The following AFTPH variants were observed in gnomAD, a reference collection of about 807,000 sequenced individuals.
AFTPH encodes aftiphilin protein.
In AFTPH, 7 loss-of-function variants were observed where a neutral mutation model predicts 72.5. The ratio of observed to expected loss-of-function variants is 0.10; its 90% CI spans 0.05 to 0.18. The LOEUF is 0.18. Ranked by LOEUF, AFTPH falls within the 10% of genes least tolerant of loss-of-function variation. AFTPH has a pLI of 1.00. For missense variants in AFTPH, 979 were observed against 1,060.5 expected, an observed-to-expected ratio of 0.92 and a Z score of 1.07; for synonymous variants, 337 against 370.1, an observed-to-expected ratio of 0.91 and a Z score of 1.03.
At chr2:64,552,339 G>A in exon 2 of AFTPH, 4 of 1,614,108 alleles carry the variant, frequency 2.5e-6, no homozygotes, top group Non-Finnish European at 3.4e-6. Flanking sequence ...GGATAACAAA[G>A]GAGACACTGA....
intron 7 of AFTPH, 179 bp downstream of exon 7, chr2:64,579,725 A>G: frequency 1.9e-6 from 1 of 529,048 alleles, no homozygotes; most frequent in Non-Finnish European, 3.3e-6. Flanking sequence ...TACTATTATC[A>G]ACAGTATTAA....
chr2:64,558,350 T>C (rs1671517970), intron 2 of AFTPH, among the ~76,000 whole-genome samples: 1 of 152,182 alleles, frequency 6.6e-6, no homozygotes, highest in Non-Finnish European at 1.5e-5. Flanking sequence ...AATTTTACCA[T>C]AGGCTAACTG....
chr2:64,591,755 C>A, intron 8 of AFTPH, 133 bp from the exon 10 acceptor site: 1 of 900,144 alleles, frequency 1.1e-6, no homozygotes, highest in Non-Finnish European at 1.7e-6. Flanking sequence ...TTACAAGATT[C>A]AGGAACTAGC....
At chr2:64,582,419 G>A (rs988626971) in intron 7 of AFTPH, among the ~76,000 whole-genome samples, 2 of 152,138 alleles carry the variant, frequency 1.3e-5, no homozygotes, top group Non-Finnish European at 2.9e-5. Context: ...AAGGTCATTT[G>A]GTATAGAATG....
intron 5 of AFTPH, among the ~76,000 whole-genome samples, chr2:64,570,964 A>C (rs1294459331): frequency 8.5e-6 from 1 of 118,228 alleles, no homozygotes; most frequent in Non-Finnish European, 1.6e-5. Flanking sequence ...GTCAGCTCAT[A>C]CCTATGGCTA....
chr2:64,544,475 T>A (rs1304411222), intron 1 of AFTPH, among the ~76,000 whole-genome samples: 1 of 152,158 alleles, frequency 6.6e-6, no homozygotes, highest in Admixed American at 6.5e-5. Flanking sequence ...AGATGACTAT[T>A]TGGGACTCCT....
At chr2:64,538,467 CTT>C (rs1670008303) in intron 1 of AFTPH, among the ~76,000 whole-genome samples, 1 of 152,150 alleles carries the variant, frequency 6.6e-6, no homozygotes, top group Non-Finnish European at 1.5e-5. Context: ...CGCATACACT[CTT>C]GAGCACTATT....
intron 7 of AFTPH, 68 bp downstream of exon 7, chr2:64,579,614 T>C: frequency 7.4e-7 from 1 of 1,350,244 alleles, no homozygotes; most frequent in South Asian, 1.2e-5. Context: ...TCAGACAAAC[T>C]TCTCTCTGCT....
chr2:64,525,265 T>C (rs532379718), intron 1 of AFTPH, among the ~76,000 whole-genome samples: 1 of 152,212 alleles, frequency 6.6e-6, no homozygotes, highest in Non-Finnish European at 1.5e-5. Context: ...CTTAAGTGCC[T>C]GGTTTGGCAG....
chr2:64,548,318 G>A (rs942928107), intron 1 of AFTPH, among the ~76,000 whole-genome samples: 3 of 144,766 alleles, frequency 2.1e-5, no homozygotes, highest in Admixed American at 6.9e-5. Flanking sequence ...GCGTGAACCC[G>A]GGAAGCGGAG....
rs576506385 is a variant in AFTPH at position 64,548,363 on chromosome 2, G to A, written c.-32-3080G>A. On this transcript the variant is annotated intron_variant, in intron 1 of 8. Coordinates refer to ENST00000238856, the Ensembl canonical transcript of AFTPH. The stretch of plus-strand genomic sequence containing the variant: ...AGCCGAGATTGCGCCACTGCAGTCC[G>A]CAGTCAGGCCTGGGCGACAGAGCGA... 9.0e-3 allele frequency among the ~76,000 whole-genome samples: 1,132 copies of A among 125,982 alleles called. 24 individuals are homozygous for A. The highest frequency in any genetic ancestry group is 0.033 in the African/African-American group (1,092 of 33,364). The allele number at this position is 125,982 out of a possible 152,430, so 82.6% of individuals were successfully genotyped here.
intron 6 of AFTPH, among the ~76,000 whole-genome samples, chr2:64,578,036 A>G (rs1397538624): frequency 6.6e-6 from 1 of 152,000 alleles, no homozygotes; most frequent in Non-Finnish European, 1.5e-5. Flanking sequence ...TCCCTATCCC[A>G]TCCCTTACAC....
At chr2:64,545,685 C>T (rs1670562083) in intron 1 of AFTPH, among the ~76,000 whole-genome samples, 1 of 131,888 alleles carries the variant, frequency 7.6e-6, no homozygotes, top group African/African-American at 3.3e-5. Context: ...AAAAATTCAG[C>T]CTCAAAGGGT....
At chr2:64,529,848 A>G (rs1669519318) in intron 1 of AFTPH, among the ~76,000 whole-genome samples, 2 of 152,022 alleles carry the variant, frequency 1.3e-5, no homozygotes, top group Admixed American at 6.5e-5. Context: ...CCAGGCTGGA[A>G]AAATTACTTT....
At chr2:64,586,785 TTTAAA>T (rs1278408830) in intron 8 of AFTPH, among the ~76,000 whole-genome samples, 6 of 152,214 alleles carry the variant, frequency 3.9e-5, no homozygotes, top group Non-Finnish European at 8.8e-5. Flanking sequence ...TGTGGCTTTT[TTTAAA>T]TTTTTTTCTT....
At chr2:64,528,696 G>T (rs1172739664) in intron 1 of AFTPH, among the ~76,000 whole-genome samples, 1 of 152,118 alleles carries the variant, frequency 6.6e-6, no homozygotes, top group Admixed American at 6.5e-5. Flanking sequence ...GAATAGTCAA[G>T]AAATTGTGGC....
chr2:64,538,607 TG>T (rs1475824614), intron 1 of AFTPH, among the ~76,000 whole-genome samples: 1 of 152,268 alleles, frequency 6.6e-6, no homozygotes, highest in Admixed American at 6.5e-5. Flanking sequence ...TTAATTGTTT[TG>T]TTTCCTTCTG....
chr2:64,576,118 C>CACGTGT (rs1553404165), intron 6 of AFTPH, among the ~76,000 whole-genome samples: 10 of 137,036 alleles, frequency 7.3e-5, no homozygotes, highest in African/African-American at 2.7e-4. Flanking sequence ...CACACACACA[C>CACGTGT]GTGTGTCATA....
intron 7 of AFTPH, 101 bp from the exon 8 acceptor site, chr2:64,581,089 G>T: frequency 1.5e-6 from 1 of 672,312 alleles, no homozygotes; most frequent in Non-Finnish European, 2.5e-6. Flanking sequence ...ATTATAACCT[G>T]CATGTTCAAG....
Sources: allele counts gnomAD v4.1 joint callset (sites outside exome capture counted in the v4.1 genomes callset), GRCh38; gene constraint gnomAD v4.1.1; transcripts MANE v1.5; gene names NCBI Gene and HGNC (gene_info 2026-07-23, HGNC 2026-07-21).